Variants in TENM1 observed in about 807,000 individuals in gnomAD.
The protein encoded by TENM1 is teneurin-1.
In TENM1, 35 loss-of-function variants were observed where a neutral mutation model predicts 174.8. The ratio of observed to expected loss-of-function variants is 0.20; its 90% CI spans 0.15 to 0.27. TENM1 has a LOEUF of 0.27. Ranked by LOEUF, TENM1 falls within the 10% of genes least tolerant of loss-of-function variation. TENM1 has a pLI of 1.00. For missense variants in TENM1, 1,633 were observed against 2,130.1 expected (o/e 0.77, Z 4.59); for synonymous variants, 781 against 798.7 (o/e 0.98, Z 0.37).
At position 124,812,027 on chromosome X, in the gene TENM1, G is replaced by T. The variant is rs775969998; in HGVS notation, c.536-74830C>A. 1.7e-4 allele frequency among the ~76,000 whole-genome samples: 19 copies of T among 111,372 alleles called. No individual in the cohort carries two copies. The East Asian group carries it at 3.1e-3, about 18-fold the overall frequency. On this transcript the variant is annotated intron_variant, in intron 3 of 31. Coordinates refer to ENST00000422452, the Ensembl canonical transcript of TENM1. ...AATTGTATTTTCTGAGCAGATGTTG[G>T]TCAAAGGATAAAAACTTACAGTTAG...
At chrX:124,567,415 A>G (rs896684684) in intron 11 of TENM1, among the ~76,000 whole-genome samples, 2 of 112,166 alleles carry the variant, frequency 1.8e-5, no homozygotes, top group African/African-American at 6.5e-5. Flanking sequence ...GTGTAACTAA[A>G]GCACAAGAGG....
the TENM1 span, among the ~76,000 whole-genome samples, chrX:124,983,831 A>G: frequency 2.7e-5 from 3 of 110,804 alleles, no homozygotes; most frequent in Admixed American, 9.7e-5. Context: ...TATGTTGGCC[A>G]GGCTGGTCTC....
intron 11 of TENM1, among the ~76,000 whole-genome samples, chrX:124,599,576 T>A (rs1056317306): frequency 9.0e-6 from 1 of 111,307 alleles, no homozygotes. Context: ...AGAGAAGGAT[T>A]TTCTATAGAT....
chrX:125,011,078 T>C, the TENM1 span, among the ~76,000 whole-genome samples: 7 of 111,095 alleles, frequency 6.3e-5, no homozygotes, highest in African/African-American at 2.0e-4. Context: ...AACAAGCAAT[T>C]GGGAAAGGAT....
chrX:124,410,508 A>C (rs760632019), intron 25 of TENM1, among the ~76,000 whole-genome samples: 8 of 111,753 alleles, frequency 7.2e-5, no homozygotes, highest in African/African-American at 2.6e-4. Context: ...AACGAAAGCC[A>C]AAATTGAGAA....
At chrX:124,931,108 GA>G (rs2061438058) in intron 1 of TENM1, among the ~76,000 whole-genome samples, 1 of 101,266 alleles carries the variant, frequency 9.9e-6, no homozygotes, top group Admixed American at 1.0e-4. Flanking sequence ...CGCTGTCAGA[GA>G]AGAAGGCTTC....
the TENM1 span, among the ~76,000 whole-genome samples, chrX:124,981,956 T>TAA: frequency 0.02 from 539 of 26,358 alleles, 3 homozygotes; most frequent in African/African-American, 0.028. Context: ...TAGAGTATAA[T>TAA]AAAAAAAAAA....
chrX:124,830,024 T>C (rs1191864548), intron 3 of TENM1, among the ~76,000 whole-genome samples: 1 of 109,915 alleles, frequency 9.1e-6, no homozygotes, highest in Non-Finnish European at 1.9e-5. Context: ...TGGTCCCGGC[T>C]TAGTGTAAAC....
the TENM1 span, among the ~76,000 whole-genome samples, chrX:125,013,451 C>T: frequency 9.0e-6 from 1 of 111,212 alleles, no homozygotes; most frequent in African/African-American, 3.3e-5. Context: ...CTGCAATAAC[C>T]TTAAAATGTA....
chrX:124,826,068 A>G (rs1247581210), intron 3 of TENM1, among the ~76,000 whole-genome samples: 2 of 111,432 alleles, frequency 1.8e-5, no homozygotes, highest in Non-Finnish European at 3.8e-5. Context: ...CTACTGCTGA[A>G]ATAATTTGAA....
At chrX:124,735,920 G>C (rs918419855) in intron 4 of TENM1, among the ~76,000 whole-genome samples, 1 of 111,150 alleles carries the variant, frequency 9.0e-6, no homozygotes, top group Admixed American at 9.5e-5. Context: ...ATAGACCCTT[G>C]GGACTCCAAA....
the TENM1 span, among the ~76,000 whole-genome samples, chrX:125,037,594 A>T: frequency 9.0e-6 from 1 of 111,234 alleles, no homozygotes; most frequent in Non-Finnish European, 1.9e-5. Flanking sequence ...TGAACTGTCA[A>T]CAAGTTTTAT....
chrX:125,190,406 C>T, the TENM1 span, among the ~76,000 whole-genome samples: 1 of 112,355 alleles, frequency 8.9e-6, no homozygotes, highest in Non-Finnish European at 1.9e-5. Flanking sequence ...TTCTGTTTTA[C>T]ATGAAGCAAA....
chrX:124,813,866 C>G (rs2055838512), intron 3 of TENM1, among the ~76,000 whole-genome samples: 1 of 110,988 alleles, frequency 9.0e-6, no homozygotes, highest in African/African-American at 3.3e-5. Context: ...AAAAAAGCAG[C>G]AATTCCATAT....
At chrX:124,964,165 T>C (rs188512793), upstream of TENM1, among the ~76,000 whole-genome samples, 27 of 112,556 alleles carry the variant, frequency 2.4e-4, no homozygotes, top group Non-Finnish European at 4.9e-4. Context: ...AAAAACGTTA[T>C]CAGATTTGAA....
At chrX:124,646,562 C>A in intron 9 of TENM1, 147 bp downstream of exon 12, 1 of 426,004 alleles carries the variant, frequency 2.3e-6, no homozygotes, top group Non-Finnish European at 4.1e-6. Context: ...ATAGTAAGTG[C>A]TCAGCTTTTG....
chrX:125,172,735 C>T, the TENM1 span, among the ~76,000 whole-genome samples: 1 of 110,896 alleles, frequency 9.0e-6, no homozygotes, highest in South Asian at 3.8e-4. Flanking sequence ...ATCATATGTA[C>T]ATGGAATAGG....
the TENM1 span, among the ~76,000 whole-genome samples, chrX:125,090,000 C>T: frequency 0.039 from 4,394 of 111,378 alleles, 223 homozygotes; most frequent in African/African-American, 0.14. Context: ...TATCCCTGCC[C>T]CTCCTACTCC....
chrX:125,037,119 T>C, the TENM1 span, among the ~76,000 whole-genome samples: 1 of 111,692 alleles, frequency 9.0e-6, no homozygotes, highest in Admixed American at 9.6e-5. Flanking sequence ...TTCGTTCCTT[T>C]ATTCCTTTAT....
Sources: gnomAD v4.1 joint callset for allele counts (sites outside exome capture counted in the v4.1 genomes callset) on GRCh38, gnomAD v4.1.1 for gene constraint, MANE v1.5 for transcripts, NCBI Gene and HGNC (gene_info 2026-07-23, HGNC 2026-07-21) for gene names.